Variants in KLF5 observed in about 807,000 individuals in gnomAD.
KLF5 encodes KLF transcription factor 5, also known as Krueppel-like factor 5.
In KLF5, 9 loss-of-function variants were observed where a neutral mutation model predicts 36.9. The observed-to-expected ratio is 0.24, with a 90% confidence interval of 0.15 to 0.43. The LOEUF (loss-of-function observed/expected upper bound fraction) is 0.43, where lower values mean the gene tolerates loss of function less well. Among genes scored for constraint, KLF5 ranks in the 20% least tolerant of loss-of-function variants. The pLI, the probability that KLF5 is intolerant of heterozygous loss-of-function variation, is 1.00. For missense variants in KLF5, 524 were observed against 599.5 expected (o/e 0.87, Z 1.31); for synonymous variants, 246 against 241.7 (o/e 1.02, Z -0.17).
In KLF5 at chr13:73,059,206, A is replaced by C; in HGVS notation, c.-122A>C. On this transcript the variant is annotated 5_prime_UTR_variant, in exon 1 of 4. Transcript: ENST00000377687. ...GAAAACTGCCTGCCGCTGTCTGAGG[A>C]GTCCACCCGAAACCTCCCCTCCTCC... The C allele has an allele frequency of 1.1e-6, 1 of 912,662 alleles. No individual in the cohort carries two copies. The highest frequency in any genetic ancestry group is 1.4e-6 in the Non-Finnish European group (1 of 689,964). 56.5% of individuals were successfully genotyped at this position (912,662 alleles called of 1,614,324 possible).
chr13:73,074,007 A>C (rs945804710), intron 3 of KLF5, among the ~76,000 whole-genome samples: 4 of 152,208 alleles, frequency 2.6e-5, no homozygotes, highest in African/African-American at 9.6e-5. Flanking sequence ...GGAACCAGAA[A>C]GGGAATTAAA....
upstream of KLF5, among the ~76,000 whole-genome samples, chr13:73,056,918 A>G (rs989273349): frequency 8.2e-5 from 12 of 145,968 alleles, no homozygotes; most frequent in Non-Finnish European, 3.0e-5. Context: ...AAAAATATTA[A>G]AAACTTAGTT....
In KLF5 at chr13:73,061,973, C is replaced by G. The variant is rs768250497; in HGVS notation, c.374C>G (p.Thr125Ser). The change falls in exon 2 of 4, where the codon ACT becomes AGT. Residue 125 changes from threonine (T) to serine (S), a missense_variant. Physicochemically the swap from Thr to Ser is moderately conservative, Grantham distance 58. Transcript: ENST00000377687. Reference sequence around the variant, plus strand: ...GCCTCAGTCGTAGACCAGTTCTTCACTGACACTGAAGGGTTACCTTACAGT... The same window carrying G: ...GCCTCAGTCGTAGACCAGTTCTTCAGTGACACTGAAGGGTTACCTTACAGT... The part of the protein sequence containing the change: ...DSASVVDQFF[T>S]DTEGLPYSIN... 9 of 1,614,018 alleles carry G rather than the reference C, an allele frequency of 5.6e-6. No homozygotes were observed. Among genetic ancestry groups the G allele is most frequent in the African/African-American group, 1.3e-5 (1 of 74,930 alleles).
Position 73,059,547 on chromosome 13 carries a change from C to T in KLF5, c.220C>T (p.Pro74Ser). The T allele has an allele frequency of 8.5e-7, 1 of 1,176,076 alleles. No individual in the cohort carries two copies. The highest frequency in any genetic ancestry group is 4.0e-5 in the South Asian group (1 of 25,170). 72.9% of individuals were successfully genotyped at this position (1,176,076 alleles called of 1,614,324 possible). ...PAQAPQPAQP[P>S]ATGPRLPPED... Reference sequence around the variant, plus strand: ...GCAGGCCCCGCAGCCGGCCCAGCCGCCCGCCACCGGCCCGCGGCTGCCTCC... The same window carrying T: ...GCAGGCCCCGCAGCCGGCCCAGCCGTCCGCCACCGGCCCGCGGCTGCCTCC... Residue 74 changes from proline to serine, a missense_variant, in exon 1 of 4, where the codon CCC becomes TCC. Around this residue, in one of 4 missense-constraint regions of KLF5, gnomAD observed 454 missense variants for 458.1 expected, o/e 0.99. Coordinates refer to ENST00000377687, the MANE Select transcript of KLF5 (RefSeq NM_001730.5).
rs148518906 is a variant in KLF5 at position 73,075,469 on chromosome 13, A to G, written c.1196-239A>G. The stretch of plus-strand genomic sequence containing the variant: ...AAAATTGTTATTCTTCAGTTGTTCA[A>G]AGGTACACAAAATGCTTTTTTCTTT... On this transcript the variant is annotated intron_variant, in intron 3 of 3. Coordinates refer to ENST00000377687, the MANE Select transcript of KLF5 (RefSeq NM_001730.5). Among the ~76,000 whole-genome samples, 560 of 152,274 alleles carry G rather than the reference A, an allele frequency of 3.7e-3. 4 individuals are homozygous for G. The highest frequency in any genetic ancestry group is 0.013 in the African/African-American group (534 of 41,540).
rs2044612509 is a variant in KLF5, at chr13:73,059,427, C to G, written c.100C>G (p.Leu34Val). 1 of 1,311,390 alleles carries G rather than the reference C, an allele frequency of 7.6e-7. No individual in the cohort carries two copies. 81.2% of individuals were successfully genotyped at this position (1,311,390 alleles called of 1,614,324 possible). A position where few individuals can be genotyped will look rare whatever the true frequency, so the allele number is the denominator to read the frequency against. The change falls in exon 1 of 4, where the codon CTG becomes GTG. Residue 34 changes from leucine (L) to valine (V), a missense_variant. By Grantham distance (32) the Leu-to-Val change is conservative. Around this residue, in one of 4 missense-constraint regions of KLF5, gnomAD observed 454 missense variants for 458.1 expected, o/e 0.99. Transcript: ENST00000377687. ...EPVFAQLKPV[L>V]GAANPARDAA... ...GGTGTTCGCGCAGCTCAAGCCGGTG[C>G]TGGGCGCCGCGAATCCGGCCCGCGA...
At chr13:73,068,137 G>T (rs541708091) in intron 3 of KLF5, among the ~76,000 whole-genome samples, 1 of 152,080 alleles carries the variant, frequency 6.6e-6, no homozygotes, top group African/African-American at 2.4e-5. Flanking sequence ...CACCACGCCA[G>T]ACTCACAAAA....
intron 3 of KLF5, among the ~76,000 whole-genome samples, chr13:73,071,522 TAGTG>T (rs1459072364): frequency 4.6e-5 from 7 of 152,234 alleles, no homozygotes; most frequent in South Asian, 2.1e-4. Flanking sequence ...AAATATGAAT[TAGTG>T]AGCTAAAATC....
intron 3 of KLF5, among the ~76,000 whole-genome samples, chr13:73,064,688 C>A (rs2044666512): frequency 6.6e-6 from 1 of 152,072 alleles, no homozygotes; most frequent in South Asian, 2.1e-4. Context: ...GGATTACAGG[C>A]CCCCACCACC....
chr13:73,064,132 C>A (rs935258387), intron 3 of KLF5, among the ~76,000 whole-genome samples: 1 of 151,912 alleles, frequency 6.6e-6, no homozygotes, highest in East Asian at 1.9e-4. Context: ...AGTTGATTAC[C>A]CAAAAATGTA....
At position 73,059,307 on chromosome 13, in the gene KLF5, G is replaced by C; in HGVS notation, c.-21G>C. The C allele has an allele frequency of 7.4e-7, 1 of 1,355,376 alleles. No homozygotes were observed. The highest frequency in any genetic ancestry group is 9.5e-7 in the Non-Finnish European group (1 of 1,053,154). The allele number at this position is 1,355,376 out of a possible 1,614,324, so 84.0% of individuals were successfully genotyped here. ...GGGAAGTGCGCCCGACCCGCGCCTG[G>C]AGCTGCGCCCCCGAGTGCCCATGGC... On this transcript the variant is annotated 5_prime_UTR_variant, in exon 1 of 4. Coordinates refer to ENST00000377687, the MANE Select transcript of KLF5 (RefSeq NM_001730.5).
At chr13:73,066,321 GT>G (rs34566215) in intron 3 of KLF5, among the ~76,000 whole-genome samples, 294 of 146,596 alleles carry the variant, frequency 2.0e-3, no homozygotes, top group African/African-American at 6.3e-3. Context: ...CAGCAAAGGT[GT>G]TTTTTTTTTT....
In KLF5 at chr13:73,063,697, A is replaced by T. The variant is rs190434904; in HGVS notation, c.1136-127A>T. 22 of 652,698 alleles carry T rather than the reference A, an allele frequency of 3.4e-5. No individual in the cohort carries two copies. The East Asian group carries it at 5.9e-4, about 18-fold the overall frequency. The allele number at this position is 652,698 out of a possible 1,614,324, so 40.4% of individuals were successfully genotyped here. On this transcript the variant is annotated intron_variant, in intron 2 of 3. Transcript: ENST00000377687. ...GGGCTCTTTAAAACTTTTAAAACTGAAGCTTCAAATAATCTCATCTAGCAT... is the reference window on the plus strand; with the variant it reads ...GGGCTCTTTAAAACTTTTAAAACTGTAGCTTCAAATAATCTCATCTAGCAT...
intron 3 of KLF5, among the ~76,000 whole-genome samples, chr13:73,069,992 T>C (rs1279943758): frequency 1.3e-5 from 2 of 152,224 alleles, no homozygotes; most frequent in Non-Finnish European, 2.9e-5. Flanking sequence ...AGCTGTTTAC[T>C]TGATGGCCTA....
At chr13:73,059,932 T>A in intron 1 of KLF5, 1 of 338,138 alleles carries the variant, frequency 3.0e-6, no homozygotes, top group Non-Finnish European at 4.2e-6. Context: ...CAGTTTTACT[T>A]AAATTACGCC....
At chr13:73,060,687 A>G (rs1467876662) in intron 1 of KLF5, 1 of 152,244 alleles carries the variant, frequency 6.6e-6, no homozygotes, top group East Asian at 1.9e-4. Flanking sequence ...CGCATTTGAA[A>G]TGAAGTAGTA....
upstream of KLF5, among the ~76,000 whole-genome samples, chr13:73,058,129 G>C (rs375888389): frequency 5.3e-5 from 8 of 152,340 alleles, 1 homozygote; most frequent in East Asian, 1.2e-3. Flanking sequence ...GCAAAAATAA[G>C]TCAAAGATGT....
At chr13:73,056,825 A>G (rs2044585980), upstream of KLF5, among the ~76,000 whole-genome samples, 1 of 152,220 alleles carries the variant, frequency 6.6e-6, no homozygotes, top group African/African-American at 2.4e-5. Context: ...GCAAAAAGGA[A>G]TATATTCAGT....
rs758178417 is a variant in KLF5 at position 73,075,812 on chromosome 13, C to A, written c.1300C>A (p.Gln434Lys). 1.2e-6 allele frequency: 2 copies of A among 1,613,230 alleles called. No individual in the cohort carries two copies. Among genetic ancestry groups the A allele is most frequent in the South Asian group, 2.2e-5 (2 of 91,070 alleles). The change falls in exon 4 of 4, where the codon CAG becomes AAG. Residue 434 changes from glutamine to lysine, a missense_variant. By Grantham distance (53) the Gln-to-Lys change is moderately conservative. This residue lies in a region of KLF5 where 20 missense variants were observed against 16.1 expected (regional missense o/e 1.24). Coordinates refer to ENST00000377687, the MANE Select transcript of KLF5 (RefSeq NM_001730.5). Reference protein sequence around the residue: ...YRKHTGAKPFQCGVCNRSFSR... With the variant: ...YRKHTGAKPFKCGVCNRSFSR... ...GAAGCACACAGGCGCCAAGCCCTTC[C>A]AGTGCGGGGTGTGCAACCGCAGCTT... is the stretch of plus-strand genomic sequence containing the variant.
Sources: gnomAD v4.1 joint callset for allele counts (sites outside exome capture counted in the v4.1 genomes callset) on GRCh38, gnomAD v4.1.1 for gene constraint, gnomAD v4.1.1 regional missense constraint, MANE v1.5 for transcripts, NCBI Gene and HGNC (gene_info 2026-07-23, HGNC 2026-07-21) for gene names.